The following CNTN4 variants were observed in gnomAD, a reference collection of about 807,000 sequenced individuals.
The protein encoded by CNTN4 is contactin 4, also known as contactin-4.
CNTN4 carries 77 observed loss-of-function variants against 122.5 expected under a neutral mutation model. The observed-to-expected ratio is 0.63, with a 90% CI of 0.52 to 0.76. CNTN4 has a LOEUF of 0.76. Ranked by LOEUF, CNTN4 falls within the 30% of genes least tolerant of loss-of-function variation. The probability of loss-of-function intolerance (pLI) is 0.00; values close to 1 mark genes in which losing one functional copy is unlikely to be tolerated. For synonymous variants in CNTN4, 512 were observed against 447.0 expected (o/e 1.15, Z -1.83); for missense variants, 1,256 against 1,259.1 (o/e 1.00, Z 0.04).
intron 2 of CNTN4, among the ~76,000 whole-genome samples, chr3:2,253,632 A>G (rs1285046742): frequency 6.6e-6 from 1 of 151,494 alleles, no homozygotes; most frequent in African/African-American, 2.4e-5. Context: ...TTGAGCCATG[A>G]TTACTTTTTC....
intron 3 of CNTN4, among the ~76,000 whole-genome samples, chr3:2,406,345 C>G (rs1213074856): frequency 6.6e-6 from 1 of 152,176 alleles, no homozygotes; most frequent in African/African-American, 2.4e-5. Flanking sequence ...AAATATATAA[C>G]TTCAATCTCA....
At chr3:2,174,941 C>G (rs760135685) in intron 2 of CNTN4, among the ~76,000 whole-genome samples, 1 of 152,072 alleles carries the variant, frequency 6.6e-6, no homozygotes, top group Admixed American at 6.5e-5. Context: ...CATGAGGGAT[C>G]CTCCCCCATG....
At chr3:2,250,308 G>A (rs2040326069) in intron 2 of CNTN4, among the ~76,000 whole-genome samples, 1 of 151,894 alleles carries the variant, frequency 6.6e-6, no homozygotes, top group Non-Finnish European at 1.5e-5. Context: ...CTAGAACCCA[G>A]ATTTTCTGAA....
At chr3:2,250,664 A>G (rs1441380280) in intron 2 of CNTN4, among the ~76,000 whole-genome samples, 1 of 151,886 alleles carries the variant, frequency 6.6e-6, no homozygotes, top group Non-Finnish European at 1.5e-5. Flanking sequence ...ACCCTTGCTC[A>G]TGAAGGAATT....
intron 3 of CNTN4, among the ~76,000 whole-genome samples, chr3:2,520,461 C>CG (rs766968384): frequency 6.0e-5 from 9 of 151,116 alleles, no homozygotes; most frequent in East Asian, 5.9e-4. Flanking sequence ...TTAGTAGAGA[C>CG]GGGGGTTTCA....
intron 2 of CNTN4, among the ~76,000 whole-genome samples, chr3:2,280,048 A>G (rs2041660495): frequency 6.6e-6 from 1 of 152,086 alleles, no homozygotes. Context: ...ATGACCTACA[A>G]GTATTCTTTT....
chr3:2,364,643 A>T (rs182688378), intron 3 of CNTN4, among the ~76,000 whole-genome samples: 111 of 152,256 alleles, frequency 7.3e-4, no homozygotes, highest in African/African-American at 2.6e-3. Context: ...CATGAAGCAA[A>T]TAAAGTCAAT....
rs571780472 is a variant in CNTN4, at chr3:2,119,450, T to C, written c.-145+18811T>C. On this transcript the variant is annotated intron_variant, in intron 2 of 24. Transcript: ENST00000418658. The stretch of plus-strand genomic sequence containing the variant: ...TATTTGGATGTCCTTACCCGCAAAA[T>C]CAACTGTTAGACTTTTGCAGAATGA... Among the ~76,000 whole-genome samples the C allele has an allele frequency of 1.9e-4, 29 of 152,316 alleles. 1 individual carries two copies. The South Asian group carries it at 3.3e-3, about 17-fold the overall frequency.
At chr3:2,812,136 G>A (rs952732962) in intron 6 of CNTN4, among the ~76,000 whole-genome samples, 18 of 152,134 alleles carry the variant, frequency 1.2e-4, no homozygotes, top group African/African-American at 3.6e-4. Flanking sequence ...AGTGGAGGGC[G>A]GGAGGAGGGA....
chr3:2,329,395 C>T (rs1013767110), intron 2 of CNTN4, among the ~76,000 whole-genome samples: 22 of 152,222 alleles, frequency 1.4e-4, no homozygotes, highest in African/African-American at 5.3e-4. Flanking sequence ...TTCTAAACGC[C>T]ATTATGTCAC....
At chr3:2,488,229 A>G (rs2076217901) in intron 3 of CNTN4, among the ~76,000 whole-genome samples, 1 of 152,228 alleles carries the variant, frequency 6.6e-6, no homozygotes, top group African/African-American at 2.4e-5. Context: ...TGCTAGGAAA[A>G]TGTACAGCAA....
intron 3 of CNTN4, among the ~76,000 whole-genome samples, chr3:2,383,680 C>T (rs969452306): frequency 6.7e-6 from 1 of 148,882 alleles, no homozygotes; most frequent in Admixed American, 6.7e-5. Context: ...TGCCTCCCTT[C>T]CTCTCCCTAT....
chr3:2,341,507 A>T (rs545477559), intron 3 of CNTN4, among the ~76,000 whole-genome samples: 1 of 152,282 alleles, frequency 6.6e-6, no homozygotes, highest in Admixed American at 6.5e-5. Flanking sequence ...TCCTCTCTTA[A>T]AATTTAAGTT....
intron 10 of CNTN4, among the ~76,000 whole-genome samples, chr3:2,891,497 AAGAG>A (rs1479795666): frequency 1.3e-5 from 2 of 152,242 alleles, no homozygotes; most frequent in African/African-American, 4.8e-5. Context: ...AGCTGAGAGC[AAGAG>A]AAAGATTTCA....
At chr3:2,679,295 C>T (rs1269497666) in intron 4 of CNTN4, among the ~76,000 whole-genome samples, 4 of 152,026 alleles carry the variant, frequency 2.6e-5, no homozygotes, top group African/African-American at 9.7e-5. Context: ...ATTGGAATAC[C>T]TTGAATCTCT....
At chr3:2,159,984 C>A (rs758964855) in intron 2 of CNTN4, among the ~76,000 whole-genome samples, 1 of 152,016 alleles carries the variant, frequency 6.6e-6, no homozygotes, top group East Asian at 1.9e-4. Flanking sequence ...CACCCAAATT[C>A]TTTTTCTTTG....
chr3:2,991,032 G>A (rs899161141), intron 14 of CNTN4, among the ~76,000 whole-genome samples: 2 of 152,146 alleles, frequency 1.3e-5, no homozygotes, highest in Non-Finnish European at 2.9e-5. Context: ...CATTGTTATA[G>A]GAGGATATGC....
At chr3:2,793,364 G>T (rs1404802117) in intron 6 of CNTN4, among the ~76,000 whole-genome samples, 2 of 152,022 alleles carry the variant, frequency 1.3e-5, no homozygotes, top group Admixed American at 6.6e-5. Flanking sequence ...TTAAGACCTT[G>T]CTATTACTAC....
intron 6 of CNTN4, among the ~76,000 whole-genome samples, chr3:2,782,848 T>C (rs2091660578): frequency 6.6e-6 from 1 of 152,210 alleles, no homozygotes; most frequent in Non-Finnish European, 1.5e-5. Flanking sequence ...TGAAGTGCTT[T>C]CAAGGGGATC....
Sources: gnomAD v4.1 joint callset for allele counts (sites outside exome capture counted in the v4.1 genomes callset) on GRCh38, gnomAD v4.1.1 for gene constraint, MANE v1.5 for transcripts, NCBI Gene and HGNC (gene_info 2026-07-23, HGNC 2026-07-21) for gene names.